NLGN1: variants seen among roughly 807,000 people sequenced by gnomAD.
The protein encoded by NLGN1 is neuroligin-1.
In NLGN1, 12 loss-of-function variants were observed where a neutral mutation model predicts 65.5. That is an observed-to-expected ratio of 0.18 (90% confidence interval 0.12 to 0.30). NLGN1 has a LOEUF of 0.30. Among genes scored for constraint, NLGN1 ranks in the 10% least tolerant of loss-of-function variants. The probability of loss-of-function intolerance (pLI) is 1.00; values close to 1 mark genes in which losing one functional copy is unlikely to be tolerated. For missense variants in NLGN1, 750 were observed against 1,007.1 expected, an observed-to-expected ratio of 0.74 and a Z score of 3.46; for synonymous variants, 350 against 359.5, an observed-to-expected ratio of 0.97 and a Z score of 0.30.
intron 4 of NLGN1, among the ~76,000 whole-genome samples, chr3:173,906,882 A>AC (rs1452267955): frequency 1.3e-5 from 2 of 149,694 alleles, no homozygotes; most frequent in Admixed American, 1.3e-4. Flanking sequence ...CAAAAACAAA[A>AC]AAAAAAAAAA....
At chr3:173,990,478 A>G (rs1425951536) in intron 4 of NLGN1, among the ~76,000 whole-genome samples, 4 of 152,208 alleles carry the variant, frequency 2.6e-5, no homozygotes, top group East Asian at 1.9e-4. Context: ...TGAGCATGCA[A>G]ATTTTATATT....
intron 2 of NLGN1, among the ~76,000 whole-genome samples, chr3:173,489,271 C>T (rs536727631): frequency 1.6e-4 from 24 of 150,998 alleles, no homozygotes; most frequent in Non-Finnish European, 2.7e-4. Context: ...TGTGTGATGT[C>T]CCCCTTCCTG....
chr3:173,827,049 A>G (rs1247730726), intron 4 of NLGN1, among the ~76,000 whole-genome samples: 4 of 152,112 alleles, frequency 2.6e-5, no homozygotes, highest in Non-Finnish European at 5.9e-5. Context: ...TGATTAGGAA[A>G]GAATGCTCTA....
intron 4 of NLGN1, among the ~76,000 whole-genome samples, chr3:173,829,045 G>A (rs901010435): frequency 6.6e-6 from 1 of 152,024 alleles, no homozygotes; most frequent in East Asian, 1.9e-4. Context: ...TTGGAGAAGA[G>A]CAAGAATGCA....
intron 2 of NLGN1, among the ~76,000 whole-genome samples, chr3:173,570,765 G>A (rs1337275973): frequency 3.9e-5 from 6 of 152,282 alleles, no homozygotes; most frequent in Admixed American, 2.0e-4. Flanking sequence ...GTGCAGTGGC[G>A]TGATCTTGGC....
At position 173,452,900 on chromosome 3, in the gene NLGN1, T is replaced by C. The variant is rs146783921; in HGVS notation, c.-321+17822T>C. ...ACGTTTACATGACACTGTATTTTAA[T>C]GTGTATAACATTTTATCTAAAAATG... On this transcript the variant is annotated intron_variant, in intron 2 of 6. Transcript: ENST00000457714. 1.1e-4 allele frequency among the ~76,000 whole-genome samples: 16 copies of C among 152,320 alleles called. No individual in the cohort carries two copies. In the East Asian group the frequency reaches 3.1e-3, roughly 29 times the overall value.
At chr3:173,495,609 T>C (rs990318504) in intron 2 of NLGN1, among the ~76,000 whole-genome samples, 14 of 150,352 alleles carry the variant, frequency 9.3e-5, no homozygotes, top group African/African-American at 3.5e-4. Flanking sequence ...ATATTAGCTG[T>C]AGCATTTTCT....
intron 3 of NLGN1, among the ~76,000 whole-genome samples, chr3:173,638,364 G>T: frequency 7.1e-6 from 1 of 141,822 alleles, no homozygotes. Flanking sequence ...ATGGGAAAAG[G>T]TTCTGCAAAA....
rs748911027 is a variant in NLGN1 at position 174,234,985 on chromosome 3, C to CTTTTTTTTTTTT, written c.647-40311_647-40300dup. 8.2e-4 allele frequency among the ~76,000 whole-genome samples: 54 copies of CTTTTTTTTTTTT among 65,748 alleles called. 16 individuals carry two copies. The highest frequency in any genetic ancestry group is 3.6e-3 in the African/African-American group (45 of 12,494). The allele number at this position is 65,748 out of a possible 152,430, so 43.1% of individuals were successfully genotyped here. ...GAGCTTTGTAAAATAAAGGAATCAC[C>CTTTTTTTTTTTT]TTTTTTTTTTTTTTTTTTTTTTTTT... On this transcript the variant is annotated intron_variant, in intron 4 of 6. Transcript: ENST00000457714.
chr3:173,542,543 G>A (rs190211735), intron 2 of NLGN1, among the ~76,000 whole-genome samples: 1 of 152,106 alleles, frequency 6.6e-6, no homozygotes, highest in East Asian at 1.9e-4. Flanking sequence ...TGGTAAACAG[G>A]CAAGAAGCTA....
intron 4 of NLGN1, among the ~76,000 whole-genome samples, chr3:173,834,833 C>T (rs1488797852): frequency 6.6e-6 from 1 of 152,182 alleles, no homozygotes; most frequent in Non-Finnish European, 1.5e-5. Flanking sequence ...TAATCACTCT[C>T]ATTCATCAAG....
At chr3:173,659,157 A>G (rs1286488085) in intron 3 of NLGN1, among the ~76,000 whole-genome samples, 2 of 152,008 alleles carry the variant, frequency 1.3e-5, no homozygotes, top group Non-Finnish European at 2.9e-5. Context: ...AGCAATAACC[A>G]GTGCGAGTAA....
chr3:173,445,285 A>AAAC, intron 2 of NLGN1, among the ~76,000 whole-genome samples: 1 of 147,426 alleles, frequency 6.8e-6, no homozygotes. Flanking sequence ...AAAAAAAAAA[A>AAAC]AAAAAAAAAA....
At chr3:174,260,313 T>C (rs1475576438) in intron 4 of NLGN1, among the ~76,000 whole-genome samples, 1 of 148,830 alleles carries the variant, frequency 6.7e-6, no homozygotes, top group Non-Finnish European at 1.5e-5. Context: ...AGTGTAAAAG[T>C]GTTCCTATTT....
chr3:173,872,482 A>G (rs1201996901), intron 4 of NLGN1, among the ~76,000 whole-genome samples: 8 of 152,184 alleles, frequency 5.3e-5, no homozygotes, highest in Admixed American at 5.2e-4. Context: ...ATCTTGACAA[A>G]ACAAAGTTTT....
At chr3:173,861,929 T>TTG (rs758783573) in intron 4 of NLGN1, among the ~76,000 whole-genome samples, 15 of 149,144 alleles carry the variant, frequency 1.0e-4, no homozygotes, top group African/African-American at 2.7e-4. Context: ...CAACTAATTT[T>TTG]TGTGTGTGTG....
At position 173,860,494 on chromosome 3, in the gene NLGN1, G is replaced by T. The variant is rs540505696; in HGVS notation, c.646+52662G>T. ...TAGTTATTAACTAATTACCTCTTTT[G>T]TTCTAGAAAGTCAAAAATACTTTCT... On this transcript the variant is annotated intron_variant, in intron 4 of 6. Coordinates refer to ENST00000457714, the Ensembl canonical transcript of NLGN1. Among the ~76,000 whole-genome samples the T allele has an allele frequency of 5.3e-5, 8 of 151,768 alleles. No homozygotes were observed. The East Asian group carries it at 1.5e-3, about 29-fold the overall frequency.
chr3:174,089,701 G>A lies in NLGN1; in HGVS notation c.647-185614G>A, dbSNP rs1744128815. ...GACTTCTATTCTTATTATGAAGGGT[G>A]AGACTGCCAATAAATCATTCGAGAG... On this transcript the variant is annotated intron_variant, in intron 4 of 6. Transcript: ENST00000457714. Among the ~76,000 whole-genome samples the A allele has an allele frequency of 3.3e-5, 5 of 152,250 alleles. No homozygotes were observed. In the South Asian group the frequency reaches 8.3e-4, roughly 25 times the overall value.
intron 1 of NLGN1, among the ~76,000 whole-genome samples, chr3:173,419,864 TCAG>T (rs1326070306): frequency 6.6e-6 from 1 of 151,926 alleles, no homozygotes; most frequent in Admixed American, 6.6e-5. Flanking sequence ...TCCCAGCTAC[TCAG>T]CAGGCTGAGG....
Sources: allele counts gnomAD v4.1 joint callset (sites outside exome capture counted in the v4.1 genomes callset), GRCh38; gene constraint gnomAD v4.1.1; transcripts MANE v1.5; gene names NCBI Gene and HGNC (gene_info 2026-07-23, HGNC 2026-07-21).